The following ENTREP2 variants were observed in gnomAD, a reference collection of about 807,000 sequenced individuals.
ENTREP2 encodes the protein protein ENTREP2.
chr15:29,569,037 C>G, the ENTREP2 span, among the ~76,000 whole-genome samples: 14 of 152,316 alleles, frequency 9.2e-5, no homozygotes, highest in East Asian at 2.7e-3. Flanking sequence ...CAGACTTAAA[C>G]CTCAGTGCCC....
chr15:29,300,094 TG>T, the ENTREP2 span, among the ~76,000 whole-genome samples: 1 of 149,642 alleles, frequency 6.7e-6, no homozygotes, highest in African/African-American at 2.5e-5. Flanking sequence ...GGTAAATGAA[TG>T]GATGGGTGGG....
the ENTREP2 span, among the ~76,000 whole-genome samples, chr15:29,185,854 G>C: frequency 5.9e-5 from 9 of 152,210 alleles, no homozygotes; most frequent in East Asian, 1.7e-3. Flanking sequence ...GAGCCACCAC[G>C]GTCTCTTTAT....
chr15:29,626,890 T>TA, the ENTREP2 span, among the ~76,000 whole-genome samples: 23 of 152,102 alleles, frequency 1.5e-4, no homozygotes, highest in Admixed American at 9.2e-4. Context: ...ACAAATACAA[T>TA]AAAAAAACAA....
At chr15:29,368,337 A>AAAAATATAT in the ENTREP2 span, among the ~76,000 whole-genome samples, 299 of 146,146 alleles carry the variant, frequency 2.0e-3, no homozygotes, top group Middle Eastern at 0.01. Context: ...CAAAAAAAAA[A>AAAAATATAT]ATATATATAT....
the ENTREP2 span, among the ~76,000 whole-genome samples, chr15:29,480,832 G>A: frequency 1.8e-4 from 27 of 152,292 alleles, no homozygotes; most frequent in South Asian, 6.2e-4. Context: ...GTTGGGGGGT[G>A]AGAGTCTGGG....
At chr15:29,657,285 C>G in the ENTREP2 span, among the ~76,000 whole-genome samples, 1 of 151,542 alleles carries the variant, frequency 6.6e-6, no homozygotes, top group Non-Finnish European at 1.5e-5. Context: ...GGTCGCAAAT[C>G]TCTCGACCTC....
At chr15:29,577,135 G>C in the ENTREP2 span, among the ~76,000 whole-genome samples, 1 of 151,668 alleles carries the variant, frequency 6.6e-6, no homozygotes, top group East Asian at 1.9e-4. Context: ...AAAAAAGAAA[G>C]AAAGAAAGGA....
the ENTREP2 span, among the ~76,000 whole-genome samples, chr15:29,313,371 C>T: frequency 2.6e-5 from 4 of 152,316 alleles, no homozygotes; most frequent in Non-Finnish European, 4.4e-5. Flanking sequence ...TGACGCCTGG[C>T]TTCAAAGCTT....
At chr15:29,542,689 G>A in the ENTREP2 span, among the ~76,000 whole-genome samples, 102 of 152,250 alleles carry the variant, frequency 6.7e-4, 1 homozygote, top group South Asian at 0.021. Flanking sequence ...CATGCACAGA[G>A]CTCTTTTTAT....
chr15:29,353,406 G>A, the ENTREP2 span, among the ~76,000 whole-genome samples: 1 of 152,294 alleles, frequency 6.6e-6, no homozygotes, highest in South Asian at 2.1e-4. Flanking sequence ...CCACCTGGAC[G>A]GGCTGTTTGC....
At chr15:29,137,659 A>G in the ENTREP2 span, among the ~76,000 whole-genome samples, 1 of 152,030 alleles carries the variant, frequency 6.6e-6, no homozygotes, top group Non-Finnish European at 1.5e-5. Context: ...ACATGGCGAA[A>G]CCCCGTCTCT....
chr15:29,127,622 C>T, the ENTREP2 span, among the ~76,000 whole-genome samples: 1 of 152,196 alleles, frequency 6.6e-6, no homozygotes, highest in Non-Finnish European at 1.5e-5. Context: ...GTCCTGACCC[C>T]TGTACCCCAG....
chr15:29,565,489 T>C, the ENTREP2 span, among the ~76,000 whole-genome samples: 2 of 152,094 alleles, frequency 1.3e-5, no homozygotes, highest in Non-Finnish European at 1.5e-5. Context: ...GGAGAATAAC[T>C]GAATAACTTG....
the ENTREP2 span, among the ~76,000 whole-genome samples, chr15:29,344,928 G>A: frequency 1.8e-4 from 21 of 114,014 alleles, no homozygotes; most frequent in African/African-American, 6.8e-4. Context: ...ACGCACGCGC[G>A]CAGACACACA....
chr15:29,149,769 G>A, the ENTREP2 span, among the ~76,000 whole-genome samples: 3 of 152,114 alleles, frequency 2.0e-5, no homozygotes, highest in Non-Finnish European at 2.9e-5. Context: ...CTTTTGCCTC[G>A]CCCATGACTC....
chr15:29,185,075 G>C, the ENTREP2 span, among the ~76,000 whole-genome samples: 1 of 146,940 alleles, frequency 6.8e-6, no homozygotes, highest in Non-Finnish European at 1.5e-5. Flanking sequence ...ACAAGACTCT[G>C]TCTCAAAAAA....
chr15:29,480,338 C>CAAAAA, the ENTREP2 span, among the ~76,000 whole-genome samples: 179 of 29,428 alleles, frequency 6.1e-3, 13 homozygotes, highest in East Asian at 0.065. Context: ...TTCACTATAG[C>CAAAAA]AAAAAAAAAA....
chr15:29,292,953 A>G, the ENTREP2 span, among the ~76,000 whole-genome samples: 1 of 152,246 alleles, frequency 6.6e-6, no homozygotes, highest in Admixed American at 6.5e-5. Context: ...TGGCTTCTCA[A>G]TACTGCTTAG....
the ENTREP2 span, among the ~76,000 whole-genome samples, chr15:29,381,079 C>CTGACTCAT: frequency 6.6e-6 from 1 of 151,154 alleles, no homozygotes; most frequent in Non-Finnish European, 1.5e-5. Flanking sequence ...TCTCGAGCTC[C>CTGACTCAT]TGACTCATTA....
Sources: allele counts gnomAD v4.1 joint callset (sites outside exome capture counted in the v4.1 genomes callset), GRCh38; gene constraint gnomAD v4.1.1; transcripts MANE v1.5; gene names NCBI Gene and HGNC (gene_info 2026-07-23, HGNC 2026-07-21).